Variants in ZNF813 observed in about 807,000 individuals in gnomAD.
ZNF813 encodes the protein zinc finger protein 813.
In ZNF813, 3 loss-of-function variants were observed where a neutral mutation model predicts 7.2. The ratio of observed to expected loss-of-function variants is 0.42; its 90% CI spans 0.19 to 1.08. The LOEUF is 1.08. Ranked by LOEUF, ZNF813 falls within the 50% of genes least tolerant of loss-of-function variation. The pLI is 0.30. For missense variants in ZNF813, 714 were observed against 753.3 expected, an observed-to-expected ratio of 0.95 and a Z score of 0.61; for synonymous variants, 227 against 256.3, an observed-to-expected ratio of 0.89 and a Z score of 1.09.
chr19:53,484,281 A>G (rs2086422566), intron 2 of ZNF813, among the ~76,000 whole-genome samples: 4 of 152,304 alleles, frequency 2.6e-5, no homozygotes, highest in East Asian at 1.9e-4. Context: ...GCCTGATTTT[A>G]TAGTACATTT....
chr19:53,467,743 GA>G lies in ZNF813; in HGVS notation c.-116del. The G allele has an allele frequency of 5.6e-6, 1 of 178,184 alleles. No homozygotes were observed. The highest frequency in any genetic ancestry group is 1.2e-5 in the Non-Finnish European group (1 of 81,362). The allele number at this position is 178,184 out of a possible 1,614,324, so 11.0% of individuals were successfully genotyped here. The stretch of plus-strand genomic sequence containing the variant: ...GCTTCTGTCCTGCGCGCAGATTCGC[GA>G]AAACCCGGAAGCGGATCGCGTGGAG... On this transcript the variant is annotated 5_prime_UTR_variant, in exon 1 of 4. Transcript: ENST00000396403.
intron 1 of ZNF813, among the ~76,000 whole-genome samples, chr19:53,475,781 A>G (rs1265967215): frequency 1.3e-5 from 2 of 152,266 alleles, no homozygotes; most frequent in Non-Finnish European, 2.9e-5. Context: ...CCACGATCCT[A>G]TAAGTTGAGT....
rs747440479 is a variant in ZNF813, at chr19:53,490,445, AG to A, written c.216del (p.Thr73HisfsTer25). 3.7e-6 allele frequency: 6 copies of A among 1,614,078 alleles called. No individual in the cohort carries two copies. The African/African-American group carries it at 5.3e-5, about 14-fold the overall frequency. Reference protein sequence around the residue: ...AQGNREVIHTGTLQRHESHHT... With the variant: ...AQGNREVIHTXTLQRHESHHT... ...AAGGCAATAGAGAAGTGATCCACAC[AG>A]GGACATTGCAAAGACATGAAAGTCA... On this transcript the variant is annotated frameshift_variant, in exon 4 of 4. Coordinates refer to ENST00000396403, the MANE Select transcript of ZNF813 (RefSeq NM_001004301.4). LOFTEE classifies it low-confidence loss of function (END_TRUNC).
At chr19:53,489,013 C>T (rs2086447159) in intron 3 of ZNF813, among the ~76,000 whole-genome samples, 1 of 151,836 alleles carries the variant, frequency 6.6e-6, no homozygotes, top group African/African-American at 2.4e-5. Context: ...TAGTTAATGT[C>T]ATTTTTTTTT....
chr19:53,477,682 G>GCA (rs1416452553), intron 1 of ZNF813, among the ~76,000 whole-genome samples: 1 of 151,678 alleles, frequency 6.6e-6, no homozygotes, highest in African/African-American at 2.4e-5. Flanking sequence ...TTAACCAGAT[G>GCA]TGATGGTGCA....
chr19:53,485,909 T>C (rs1159869572), intron 2 of ZNF813, among the ~76,000 whole-genome samples: 1 of 152,060 alleles, frequency 6.6e-6, no homozygotes, highest in Admixed American at 6.6e-5. Flanking sequence ...TGTTTGTTTG[T>C]GTGTTTGTTT....
chr19:53,486,044 G>A (rs2447879), intron 2 of ZNF813, among the ~76,000 whole-genome samples: 152,094 of 152,290 alleles, frequency 1, 75,951 homozygotes, highest in Middle Eastern at 1. Context: ...GATAACAGGC[G>A]TGTGCCACCA....
Position 53,470,160 on chromosome 19 carries a change from T to TCTTTCCTTCCTTCCTTCCTTCC in ZNF813, c.-74+2371_-74+2372insCTTTCCTTCCTTCCTTCCTTCC, listed in dbSNP as rs146034098. 2.4e-3 allele frequency among the ~76,000 whole-genome samples: 314 copies of TCTTTCCTTCCTTCCTTCCTTCC among 129,122 alleles called. 1 individual carries two copies. The highest frequency in any genetic ancestry group is 3.8e-3 in the Non-Finnish European group (229 of 59,924). 84.7% of individuals were successfully genotyped at this position (129,122 alleles called of 152,430 possible). On this transcript the variant is annotated intron_variant, in intron 1 of 3. Transcript: ENST00000396403. ...TGTTTTCTTTCTTTCTTTCTTTCTT[T>TCTTTCCTTCCTTCCTTCCTTCC]TTCTTTTCTTTTCTTTCTTTCTTTC...
At chr19:53,483,868 T>A (rs574447054) in intron 2 of ZNF813, 31 bp downstream of exon 2, 1 of 1,613,830 alleles carries the variant, frequency 6.2e-7, no homozygotes, top group Non-Finnish European at 8.5e-7. Flanking sequence ...GATTGTTCTG[T>A]CTCCTTCCCC....
At chr19:53,468,123 G>T (rs1289758232) in intron 1 of ZNF813, among the ~76,000 whole-genome samples, 1 of 152,274 alleles carries the variant, frequency 6.6e-6, no homozygotes, top group East Asian at 1.9e-4. Context: ...TTCGGCCGGT[G>T]GAGCGCAGAA....
chr19:53,485,116 G>A (rs1301963510), intron 2 of ZNF813, among the ~76,000 whole-genome samples: 2 of 152,058 alleles, frequency 1.3e-5, no homozygotes, highest in Non-Finnish European at 2.9e-5. Flanking sequence ...AAAAAATTCT[G>A]CTGTAAATTA....
intron 1 of ZNF813, among the ~76,000 whole-genome samples, chr19:53,469,148 A>G: frequency 6.6e-6 from 1 of 152,216 alleles, no homozygotes; most frequent in Admixed American, 6.5e-5. Flanking sequence ...TAAATCCATT[A>G]AACCTTGATT....
At chr19:53,472,390 A>T (rs2086363703) in intron 1 of ZNF813, among the ~76,000 whole-genome samples, 1 of 152,170 alleles carries the variant, frequency 6.6e-6, no homozygotes, top group Non-Finnish European at 1.5e-5. Context: ...CCACAGACGG[A>T]TGAGTCTAGG....
Position 53,490,396 on chromosome 19 carries a change from T to G in ZNF813, c.164T>G (p.Met55Arg), listed in dbSNP as rs538553993. ...GTAGATATCTCTTCCAAATGCATGA[T>G]GAAGGAGTTCTCATCAACAGCACAA... ...VSLDISSKCM[M>R]KEFSSTAQGN... Residue 55 changes from methionine to arginine, a missense_variant, in exon 4 of 4, where the codon ATG becomes AGG. Met to Arg is a moderately conservative substitution (Grantham distance 91). Coordinates refer to ENST00000396403, the MANE Select transcript of ZNF813 (RefSeq NM_001004301.4). The G allele has an allele frequency of 6.8e-6, 11 of 1,613,988 alleles. No homozygotes were observed. Among genetic ancestry groups the G allele is most frequent in the African/African-American group, 1.3e-5 (1 of 74,930 alleles).
intron 1 of ZNF813, among the ~76,000 whole-genome samples, chr19:53,472,607 C>CTTTTTTTTTTTTTTTTTT (rs200658542): frequency 2.2e-5 from 3 of 136,500 alleles, no homozygotes; most frequent in African/African-American, 8.3e-5. Context: ...AAGTACAAGT[C>CTTTTTTTTTTTTTTTTTT]TTTCTTTTTT....
Position 53,492,192 on chromosome 19 carries a change from T to A in ZNF813, c.*106T>A. The A allele has an allele frequency of 6.7e-7, 1 of 1,493,880 alleles. No individual in the cohort carries two copies. Among genetic ancestry groups the A allele is most frequent in the Non-Finnish European group, 9.0e-7 (1 of 1,107,740 alleles). 92.5% of individuals were successfully genotyped at this position (1,493,880 alleles called of 1,614,324 possible). The stretch of plus-strand genomic sequence containing the variant: ...ATTCAGTCCTTGTAATTCATAAGAA[T>A]TCATACTGGAGAGAAACAAGTGTAA... On this transcript the variant is annotated 3_prime_UTR_variant, in exon 4 of 4. Transcript: ENST00000396403.
In ZNF813 at chr19:53,475,083, A is replaced by T. The variant is rs373489598; in HGVS notation, c.-74+7294A>T. On this transcript the variant is annotated intron_variant, in intron 1 of 3. Transcript: ENST00000396403. ...CTCTGGAGCCTATACTGCCTCTAAG[A>T]GCTGTAGAATCTCTTCTTTGTACTT... 1.0e-3 allele frequency among the ~76,000 whole-genome samples: 150 copies of T among 149,374 alleles called. 2 individuals are homozygous for T. Among genetic ancestry groups the T allele is most frequent in the African/African-American group, 3.2e-3 (128 of 40,196 alleles).
chr19:53,468,734 G>A (rs2086340929), intron 1 of ZNF813, among the ~76,000 whole-genome samples: 1 of 152,260 alleles, frequency 6.6e-6, no homozygotes, highest in Admixed American at 6.5e-5. Flanking sequence ...AGCATATCTC[G>A]CCTCCAGCCA....
chr19:53,478,372 A>G (rs8101402), intron 1 of ZNF813, among the ~76,000 whole-genome samples: 1,981 of 151,954 alleles, frequency 0.013, 39 homozygotes, highest in African/African-American at 0.046. Context: ...GGGTTTCGCT[A>G]TGTTTCCCAG....
Sources: gnomAD v4.1 joint callset for allele counts (sites outside exome capture counted in the v4.1 genomes callset) on GRCh38, gnomAD v4.1.1 for gene constraint, MANE v1.5 for transcripts, NCBI Gene and HGNC (gene_info 2026-07-23, HGNC 2026-07-21) for gene names.